Variants in CD8B2 observed in about 807,000 individuals in gnomAD.
The protein encoded by CD8B2 is T-cell surface glycoprotein CD8 beta-2 chain.
CD8B2 carries 11 observed loss-of-function variants against 23.7 expected under a neutral mutation model. That is an observed-to-expected ratio of 0.46 (90% CI 0.29 to 0.77). CD8B2 has a LOEUF of 0.77. CD8B2 is among the 30% of genes least tolerant of loss of function. The pLI is 0.09. For missense variants in CD8B2, 197 were observed against 270.5 expected, an observed-to-expected ratio of 0.73 and a Z score of 1.91; for synonymous variants, 90 against 109.3, an observed-to-expected ratio of 0.82 and a Z score of 1.10.
chr2:106,495,308 G>A (rs1679278022), intron 2 of CD8B2, among the ~76,000 whole-genome samples: 1 of 152,102 alleles, frequency 6.6e-6, no homozygotes, highest in South Asian at 2.1e-4. Context: ...GAGGTGAGTG[G>A]ATTGGAGTTC....
At chr2:106,500,521 AAAATAAATAAATAAAT>A (rs61641919) in intron 3 of CD8B2, among the ~76,000 whole-genome samples, 3 of 143,422 alleles carry the variant, frequency 2.1e-5, no homozygotes, top group East Asian at 4.1e-4. Flanking sequence ...CTCCGTCTCA[AAAATAAATAAATAAAT>A]AAATAAATAA....
intron 5 of CD8B2, among the ~76,000 whole-genome samples, chr2:106,520,409 T>C (rs959580929): frequency 2.6e-5 from 4 of 152,212 alleles, no homozygotes; most frequent in South Asian, 2.1e-4. Context: ...TCCAGAATCA[T>C]TGAGGCTCGG....
chr2:106,533,100 C>T (rs528999758), intron 5 of CD8B2, among the ~76,000 whole-genome samples: 10 of 152,240 alleles, frequency 6.6e-5, no homozygotes, highest in Non-Finnish European at 1.2e-4. Flanking sequence ...AATTGTTCTC[C>T]AAGATGTGAA....
In CD8B2 at chr2:106,500,825, C is replaced by A. The variant is rs1340998600; in HGVS notation, c.494-1649C>A. ...TGGGACATTGATAGTGTAAAGTCTG[C>A]TGTTTAAATAGCACACAAAATGGAC... On this transcript the variant is annotated intron_variant, in intron 3 of 5. Coordinates refer to ENST00000643224, the MANE Select transcript of CD8B2 (RefSeq NM_001349727.2). 4.0e-5 allele frequency among the ~76,000 whole-genome samples: 6 copies of A among 151,758 alleles called. No individual in the cohort carries two copies. The South Asian group carries it at 1.0e-3, about 26-fold the overall frequency.
At chr2:106,525,392 C>T (rs76714990) in intron 5 of CD8B2, among the ~76,000 whole-genome samples, 1,792 of 152,276 alleles carry the variant, frequency 0.012, 35 homozygotes, top group African/African-American at 0.04. Flanking sequence ...TAGGCAGTAC[C>T]GGCACCCTAT....
intron 5 of CD8B2, among the ~76,000 whole-genome samples, chr2:106,523,925 T>A (rs1211962063): frequency 6.6e-6 from 1 of 152,182 alleles, no homozygotes; most frequent in South Asian, 2.1e-4. Flanking sequence ...TCCCTTGAGC[T>A]CCATCCGATT....
chr2:106,504,531 A>G (rs1679469627), intron 5 of CD8B2, among the ~76,000 whole-genome samples: 1 of 152,198 alleles, frequency 6.6e-6, no homozygotes, highest in African/African-American at 2.4e-5. Context: ...GGCTGCAGTG[A>G]GCTATGATGG....
downstream of CD8B2, among the ~76,000 whole-genome samples, chr2:106,515,966 G>A (rs1410358669): frequency 1.3e-5 from 2 of 151,858 alleles, no homozygotes; most frequent in African/African-American, 4.8e-5. Context: ...GGGATTACAA[G>A]CACCCACCAC....
chr2:106,522,734 G>T (rs1345225943), intron 5 of CD8B2, among the ~76,000 whole-genome samples: 1 of 152,142 alleles, frequency 6.6e-6, no homozygotes, highest in Non-Finnish European at 1.5e-5. Flanking sequence ...GACATTTTTA[G>T]AAAATGAACC....
At chr2:106,501,188 A>G (rs1679397890) in intron 3 of CD8B2, among the ~76,000 whole-genome samples, 2 of 152,138 alleles carry the variant, frequency 1.3e-5, no homozygotes, top group South Asian at 4.1e-4. Flanking sequence ...CTGCAGAGTT[A>G]TTTGTAAAAG....
chr2:106,499,057 G>A (rs571445983), intron 3 of CD8B2, among the ~76,000 whole-genome samples: 12 of 152,074 alleles, frequency 7.9e-5, no homozygotes, highest in African/African-American at 1.4e-4. Context: ...ACCCAAGCAC[G>A]TTATTTGCAG....
downstream of CD8B2, among the ~76,000 whole-genome samples, chr2:106,512,487 G>A (rs931449481): frequency 2.0e-5 from 3 of 152,004 alleles, no homozygotes; most frequent in Non-Finnish European, 4.4e-5. Context: ...GTGTGTGTGT[G>A]TGTACAGTGC....
intron 3 of CD8B2, 62 bp downstream of exon 3, chr2:106,496,324 C>G: frequency 7.6e-7 from 1 of 1,316,792 alleles, no homozygotes; most frequent in Non-Finnish European, 1.0e-6. Flanking sequence ...CCCTCCCTCC[C>G]TCCCCTCCTT....
At chr2:106,493,573 G>A (rs1310078376) in intron 2 of CD8B2, among the ~76,000 whole-genome samples, 1 of 152,052 alleles carries the variant, frequency 6.6e-6, no homozygotes, top group Admixed American at 6.6e-5. Context: ...GAGGATTGAA[G>A]GAGGCAACAC....
chr2:106,491,825 A>G (rs1679202897), intron 2 of CD8B2, among the ~76,000 whole-genome samples: 1 of 152,218 alleles, frequency 6.6e-6, no homozygotes, highest in Non-Finnish European at 1.5e-5. Flanking sequence ...CTAGGATTAC[A>G]GGCGTGAGCC....
chr2:106,492,237 C>A (rs192815164), intron 2 of CD8B2, among the ~76,000 whole-genome samples: 1 of 152,094 alleles, frequency 6.6e-6, no homozygotes, highest in Non-Finnish European at 1.5e-5. Context: ...CCCAGAGAAG[C>A]TGCAGACCTC....
chr2:106,535,222 G>C (rs1014871088), intron 5 of CD8B2: 7 of 152,140 alleles, frequency 4.6e-5, no homozygotes, highest in African/African-American at 1.4e-4. Flanking sequence ...CACAGTCCCA[G>C]ATGTTTCTCT....
chr2:106,537,669 G>A (rs917268681), intron 5 of CD8B2, among the ~76,000 whole-genome samples: 1 of 152,168 alleles, frequency 6.6e-6, no homozygotes, highest in Non-Finnish European at 1.5e-5. Context: ...CCGAGGAAGC[G>A]ACAAGGAATG....
In CD8B2 at chr2:106,487,489, G is replaced by A; in HGVS notation, c.43+20G>A. ...TGACAGGTAAGGCGGCGGCGCGCGG[G>A]CTGCCCAAGGTCTGCGCTCCCGGGG... On this transcript the variant is annotated intron_variant, in intron 1 of 5. Coordinates refer to ENST00000643224, the MANE Select transcript of CD8B2 (RefSeq NM_001349727.2). 1 of 1,233,494 alleles carries A rather than the reference G, an allele frequency of 8.1e-7. No homozygotes were observed. Among genetic ancestry groups the A allele is most frequent in the Non-Finnish European group, 1.0e-6 (1 of 985,432 alleles). The allele number at this position is 1,233,494 out of a possible 1,614,324, so 76.4% of individuals were successfully genotyped here. A position where few individuals can be genotyped will look rare whatever the true frequency, so the allele number is the denominator to read the frequency against.
Sources: gnomAD v4.1 joint callset for allele counts (sites outside exome capture counted in the v4.1 genomes callset) on GRCh38, gnomAD v4.1.1 for gene constraint, MANE v1.5 for transcripts, NCBI Gene and HGNC (gene_info 2026-07-23, HGNC 2026-07-21) for gene names.